Variants in MAP3K5 observed in about 807,000 individuals in gnomAD.
MAP3K5 encodes the protein ASK-1.
In MAP3K5, 56 loss-of-function variants were observed where a neutral mutation model predicts 158.7. The ratio of observed to expected loss-of-function variants is 0.35; its 90% CI spans 0.28 to 0.44. The LOEUF (loss-of-function observed/expected upper bound fraction) is 0.44, where lower values mean the gene tolerates loss of function less well. Among genes scored for constraint, MAP3K5 ranks in the 20% least tolerant of loss-of-function variants. The pLI is 1.00. For synonymous variants in MAP3K5, 579 were observed against 601.7 expected, an observed-to-expected ratio of 0.96 and a Z score of 0.55; for missense variants, 1,294 against 1,674.8, an observed-to-expected ratio of 0.77 and a Z score of 3.97.
Position 136,627,050 on chromosome 6 carries a change from A to G in MAP3K5, c.2017-4069T>C, listed in dbSNP as rs539473707. Among the ~76,000 whole-genome samples, 40 of 152,308 alleles carry G rather than the reference A, an allele frequency of 2.6e-4. No individual in the cohort carries two copies. The South Asian group carries it at 5.2e-3, about 20-fold the overall frequency. On this transcript the variant is annotated intron_variant, in intron 14 of 29. Transcript: ENST00000359015. ...CAGTGTTATAAAGATATTACAGTAT[A>G]TTGTTAATATCCATGGAACATCCAT...
At chr6:136,662,394 A>G (rs1237438375) in intron 8 of MAP3K5, among the ~76,000 whole-genome samples, 2 of 152,224 alleles carry the variant, frequency 1.3e-5, no homozygotes, top group African/African-American at 4.8e-5. Context: ...GTGAATGAGC[A>G]TTTATGCTCT....
intron 1 of MAP3K5, among the ~76,000 whole-genome samples, chr6:136,764,565 C>T (rs981216853): frequency 2.3e-4 from 35 of 152,160 alleles, no homozygotes; most frequent in African/African-American, 8.4e-4. Flanking sequence ...TTATGTGAAA[C>T]AGAAGAGTCA....
At chr6:136,647,234 A>G (rs1397896804) in intron 11 of MAP3K5, among the ~76,000 whole-genome samples, 1 of 152,208 alleles carries the variant, frequency 6.6e-6, no homozygotes, top group Non-Finnish European at 1.5e-5. Context: ...TTATAGCTAC[A>G]CTAGCAACCA....
chr6:136,782,394 G>A (rs1260739883), intron 1 of MAP3K5, among the ~76,000 whole-genome samples: 2 of 152,152 alleles, frequency 1.3e-5, no homozygotes, highest in Non-Finnish European at 2.9e-5. Flanking sequence ...ATATGGCTTG[G>A]GGTCAATGGA....
At chr6:136,588,476 T>C (rs535249931) in intron 23 of MAP3K5, among the ~76,000 whole-genome samples, 51 of 152,308 alleles carry the variant, frequency 3.3e-4, no homozygotes, top group African/African-American at 1.2e-3. Context: ...AAAGAAAATG[T>C]TAGCTGTTAT....
chr6:136,642,036 AAAATAAAATAAAATAAAATAAAATAAAAT>A (rs1777987966), intron 12 of MAP3K5, among the ~76,000 whole-genome samples: 7 of 115,836 alleles, frequency 6.0e-5, no homozygotes, highest in African/African-American at 2.3e-4. Context: ...AAATAAAAAT[AAAATAAAATAAAATAAAATAAAATAAAAT>A]AAAATAAAAT....
chr6:136,686,301 C>A (rs1010940424), intron 7 of MAP3K5, among the ~76,000 whole-genome samples: 1 of 152,046 alleles, frequency 6.6e-6, no homozygotes, highest in Non-Finnish European at 1.5e-5. Flanking sequence ...TTATGACAAA[C>A]CTACAAGCAA....
chr6:136,567,276 G>A (rs745556572), intron 26 of MAP3K5, among the ~76,000 whole-genome samples: 1 of 152,058 alleles, frequency 6.6e-6, no homozygotes, highest in Admixed American at 6.6e-5. Flanking sequence ...GACTTGACTG[G>A]GCTTTCAAAA....
intron 14 of MAP3K5, among the ~76,000 whole-genome samples, chr6:136,632,560 G>T (rs552828957): frequency 1.8e-4 from 27 of 152,216 alleles, no homozygotes; most frequent in African/African-American, 6.5e-4. Flanking sequence ...CTGGGGAGTC[G>T]CAGGATTAAA....
chr6:136,647,982 C>T (rs948422749), intron 11 of MAP3K5: 1 of 152,150 alleles, frequency 6.6e-6, no homozygotes, highest in Non-Finnish European at 1.5e-5. Context: ...GTGCTTTCCT[C>T]GGGTGTAGCA....
At chr6:136,570,048 G>A (rs61630099) in intron 25 of MAP3K5, among the ~76,000 whole-genome samples, 4,766 of 152,056 alleles carry the variant, frequency 0.031, 252 homozygotes, top group African/African-American at 0.11. Flanking sequence ...AGATTTCCTC[G>A]TTTTACCTAG....
At chr6:136,567,277 G>A (rs950949225) in intron 26 of MAP3K5, among the ~76,000 whole-genome samples, 2 of 152,094 alleles carry the variant, frequency 1.3e-5, no homozygotes, top group African/African-American at 4.8e-5. Flanking sequence ...ACTTGACTGG[G>A]CTTTCAAAAA....
intron 1 of MAP3K5, among the ~76,000 whole-genome samples, chr6:136,758,391 T>C (rs1343587544): frequency 6.6e-6 from 1 of 152,256 alleles, no homozygotes; most frequent in Non-Finnish European, 1.5e-5. Flanking sequence ...TGATGAAAAC[T>C]GAACGAAAAT....
intron 7 of MAP3K5, among the ~76,000 whole-genome samples, chr6:136,682,884 G>T (rs771380839): frequency 4.0e-4 from 61 of 152,090 alleles, no homozygotes; most frequent in Non-Finnish European, 6.5e-4. Flanking sequence ...AAATTATGCA[G>T]ACTCTATACA....
intron 26 of MAP3K5, among the ~76,000 whole-genome samples, chr6:136,566,917 G>A (rs543186530): frequency 6.6e-5 from 10 of 151,934 alleles, no homozygotes; most frequent in African/African-American, 1.9e-4. Flanking sequence ...TTATTGATTC[G>A]CTTAAAAAAA....
intron 2 of MAP3K5, among the ~76,000 whole-genome samples, chr6:136,709,772 T>C (rs1484060805): frequency 1.3e-5 from 2 of 152,168 alleles, no homozygotes; most frequent in Non-Finnish European, 2.9e-5. Context: ...CTGCAAACTA[T>C]AAAAATCATT....
intron 15 of MAP3K5, among the ~76,000 whole-genome samples, chr6:136,618,337 C>A (rs1323051942): frequency 6.6e-6 from 1 of 152,250 alleles, no homozygotes; most frequent in East Asian, 1.9e-4. Context: ...GATCTCTTTA[C>A]ATTGTCAATA....
rs568958194 is a variant in MAP3K5, at chr6:136,590,449, AT to A, written c.3225+1723del. 4.1e-4 allele frequency among the ~76,000 whole-genome samples: 63 copies of A among 152,036 alleles called. 2 individuals are homozygous for A. Among genetic ancestry groups the A allele is most frequent in the African/African-American group, 1.4e-3 (60 of 41,462 alleles). ...TCCTCAAATAACACTGTTTTGCCCA[AT>A]GTTGTTTCCTTCTAACCTTGATGAG... On this transcript the variant is annotated intron_variant, in intron 23 of 29. Coordinates refer to ENST00000359015, the MANE Select transcript of MAP3K5 (RefSeq NM_005923.4).
At chr6:136,705,901 A>G (rs936971165) in intron 2 of MAP3K5, among the ~76,000 whole-genome samples, 1 of 152,222 alleles carries the variant, frequency 6.6e-6, no homozygotes, top group Admixed American at 6.5e-5. Context: ...AAATCCACAC[A>G]CAGATAATCA....
Sources: allele counts gnomAD v4.1 joint callset (sites outside exome capture counted in the v4.1 genomes callset), GRCh38; gene constraint gnomAD v4.1.1; transcripts MANE v1.5; gene names NCBI Gene and HGNC (gene_info 2026-07-23, HGNC 2026-07-21).